CTSS: variants seen among roughly 807,000 people sequenced by gnomAD.
The protein encoded by CTSS is cathepsin S.
A neutral mutation model predicts 39.9 loss-of-function variants in CTSS; 15 were observed. That is an observed-to-expected ratio of 0.38 (90% CI 0.25 to 0.58). The LOEUF is 0.58. Ranked by LOEUF, CTSS falls within the 20% of genes least tolerant of loss-of-function variation. The probability of loss-of-function intolerance (pLI) is 0.70; values close to 1 mark genes in which losing one functional copy is unlikely to be tolerated. For missense variants in CTSS, 250 were observed against 398.2 expected, an observed-to-expected ratio of 0.63 and a Z score of 3.17; for synonymous variants, 126 against 138.2, an observed-to-expected ratio of 0.91 and a Z score of 0.62.
At chr1:150,750,442 C>T (rs888220072) in intron 5 of CTSS, among the ~76,000 whole-genome samples, 11 of 152,078 alleles carry the variant, frequency 7.2e-5, no homozygotes, top group African/African-American at 2.7e-4. Context: ...TTCAGGTGGA[C>T]TGTAGGGAAA....
chr1:150,751,614 A>G (rs1653008356), intron 5 of CTSS, among the ~76,000 whole-genome samples, 167 bp downstream of exon 5: 1 of 152,170 alleles, frequency 6.6e-6, no homozygotes. Context: ...TAAGAAGAGT[A>G]CTTCATCAGA....
intron 2 of CTSS, among the ~76,000 whole-genome samples, chr1:150,759,210 A>G (rs1021741131): frequency 4.6e-5 from 7 of 151,720 alleles, no homozygotes; most frequent in East Asian, 3.9e-4. Flanking sequence ...ACTTCGTTAC[A>G]TGTATCTGGG....
intron 3 of CTSS, among the ~76,000 whole-genome samples, chr1:150,756,817 A>G (rs1415019322): frequency 6.6e-6 from 1 of 151,238 alleles, no homozygotes; most frequent in Non-Finnish European, 1.5e-5. Context: ...CCCGGGTTCA[A>G]GCAATTCTCT....
intron 7 of CTSS, among the ~76,000 whole-genome samples, chr1:150,733,605 C>T (rs1652571522): frequency 6.6e-6 from 1 of 152,072 alleles, no homozygotes; most frequent in African/African-American, 2.4e-5. Context: ...AAGCAAACAA[C>T]AAAAATGCAG....
intron 4 of CTSS, 87 bp from the exon 5 acceptor site, chr1:150,752,095 C>T: frequency 7.4e-7 from 1 of 1,344,844 alleles, no homozygotes; most frequent in Non-Finnish European, 1.0e-6. Context: ...CGCTCAGCTA[C>T]ATCAGTTCTG....
Position 150,751,892 on chromosome 1 carries a change from A to G in CTSS, c.516T>C (p.Thr172=), listed in dbSNP as rs753019755. 25 of 1,614,054 alleles carry G rather than the reference A, an allele frequency of 1.5e-5. No homozygotes were observed. Among genetic ancestry groups the G allele is most frequent in the Non-Finnish European group, 2.1e-5 (25 of 1,180,034 alleles). ...TGCAGCCTTTGTTTCCATATTTTTC[A>G]GTTGAGCAATCCACCAGGTTCTGGG... The part of the protein sequence containing the change: ...LSAQNLVDCS[T]EKYGNKGCNG... The change falls in exon 5 of 8, where the codon ACT becomes ACC. Residue 172 remains threonine, a synonymous_variant. Coordinates refer to ENST00000368985, the MANE Select transcript of CTSS (RefSeq NM_004079.5).
chr1:150,741,421 A>G (rs906382765), intron 7 of CTSS, among the ~76,000 whole-genome samples: 6 of 152,212 alleles, frequency 3.9e-5, no homozygotes, highest in Non-Finnish European at 7.3e-5. Context: ...GGAGTTGATT[A>G]TGTCATAGTT....
intron 2 of CTSS, among the ~76,000 whole-genome samples, chr1:150,763,343 CAAG>C (rs1653303118): frequency 1.3e-5 from 2 of 151,948 alleles, no homozygotes; most frequent in Admixed American, 1.3e-4. Flanking sequence ...TTTCATTTGA[CAAG>C]AAGACTACAT....
At chr1:150,761,342 A>C (rs1653258917) in intron 2 of CTSS, among the ~76,000 whole-genome samples, 4 of 152,228 alleles carry the variant, frequency 2.6e-5, no homozygotes, top group Admixed American at 2.6e-4. Context: ...AAACAATTCT[A>C]TTTACAACAG....
intron 7 of CTSS, among the ~76,000 whole-genome samples, chr1:150,736,618 C>T (rs587707691): frequency 2.6e-5 from 4 of 152,250 alleles, no homozygotes; most frequent in African/African-American, 9.6e-5. Context: ...TGAATTCAGT[C>T]AGTGAGACCA....
chr1:150,756,588 T>C (rs1653132007), intron 3 of CTSS, among the ~76,000 whole-genome samples: 1 of 152,124 alleles, frequency 6.6e-6, no homozygotes, highest in Admixed American at 6.5e-5. Flanking sequence ...GAGGAACTTT[T>C]CAGCTCCATC....
chr1:150,750,209 A>G lies in CTSS; in HGVS notation c.628-38T>C, dbSNP rs758963628. The G allele has an allele frequency of 1.7e-5, 25 of 1,515,102 alleles. No individual in the cohort carries two copies. In the South Asian group the frequency reaches 2.8e-4, roughly 17 times the overall value. The allele number at this position is 1,515,102 out of a possible 1,614,324, so 93.9% of individuals were successfully genotyped here. The stretch of plus-strand genomic sequence containing the variant: ...GTATAAATATGATGAAGTATACTTC[A>G]ACTCCTGTATAAATCACCTGTATCC... On this transcript the variant is annotated intron_variant, in intron 5 of 7. Coordinates refer to ENST00000368985, the MANE Select transcript of CTSS (RefSeq NM_004079.5).
Position 150,740,616 on chromosome 1 carries a change from T to C in CTSS, c.896+7161A>G, listed in dbSNP as rs587651087. Among the ~76,000 whole-genome samples the C allele has an allele frequency of 2.0e-5, 3 of 152,228 alleles. No homozygotes were observed. The South Asian group carries it at 6.2e-4, about 32-fold the overall frequency. ...ACCGTGTTAGCCAGGATGGTCTTGA[T>C]CTCCTGACCTAGTGATCCACCTGCC... On this transcript the variant is annotated intron_variant, in intron 7 of 7. Transcript: ENST00000368985.
chr1:150,747,106 G>C (rs890686395), intron 7 of CTSS, among the ~76,000 whole-genome samples: 2 of 152,268 alleles, frequency 1.3e-5, no homozygotes, highest in African/African-American at 4.8e-5. Flanking sequence ...CAGAATCAAG[G>C]ACATAGATAA....
chr1:150,745,839 G>A (rs587658401), intron 7 of CTSS, among the ~76,000 whole-genome samples: 7 of 152,112 alleles, frequency 4.6e-5, no homozygotes, highest in Middle Eastern at 3.4e-3. Context: ...TTAATTAAAA[G>A]AACATATTTA....
In CTSS at chr1:150,747,779, G is replaced by GTTT. The variant is rs1652918895; in HGVS notation, c.891_893dup (p.Lys297dup). On this transcript the variant is annotated inframe_insertion, in exon 7 of 8. Transcript: ENST00000368985. ...AATATAAAGTGTAAATATATTACCT[G>GTTT]TTTTTCACAAGCCAGTATTCTTTCC... 1 of 1,600,038 alleles carries GTTT rather than the reference G, an allele frequency of 6.2e-7. No homozygotes were observed. Among genetic ancestry groups the GTTT allele is most frequent in the African/African-American group, 1.3e-5 (1 of 74,592 alleles).
At chr1:150,764,331 C>T (rs28675769) in intron 2 of CTSS, among the ~76,000 whole-genome samples, 9,546 of 152,000 alleles carry the variant, frequency 0.063, 994 homozygotes, top group African/African-American at 0.22. Context: ...TCCGCCTTCC[C>T]GGCTCAAGTG....
intron 3 of CTSS, among the ~76,000 whole-genome samples, chr1:150,756,029 A>G (rs1653118940): frequency 6.6e-6 from 1 of 152,204 alleles, no homozygotes; most frequent in African/African-American, 2.4e-5. Flanking sequence ...ATACAAACAC[A>G]TTGTACAGCT....
At chr1:150,764,609 C>G in intron 2 of CTSS, 29 bp downstream of exon 2, 4 of 1,613,292 alleles carry the variant, frequency 2.5e-6, no homozygotes, top group Non-Finnish European at 3.4e-6. Context: ...CCTTTAAAAG[C>G]ATATCGCTCG....
Sources: gnomAD v4.1 joint callset for allele counts (sites outside exome capture counted in the v4.1 genomes callset) on GRCh38, gnomAD v4.1.1 for gene constraint, MANE v1.5 for transcripts, NCBI Gene and HGNC (gene_info 2026-07-23, HGNC 2026-07-21) for gene names.